BTBD10: variants seen among roughly 807,000 people sequenced by gnomAD.
The protein encoded by BTBD10 is BTB/POZ domain-containing protein 10.
In BTBD10, 21 loss-of-function variants were observed where a neutral mutation model predicts 53.2. The observed-to-expected ratio is 0.39, with a 90% CI of 0.28 to 0.57. The LOEUF is 0.57. Ranked by LOEUF, BTBD10 falls within the 20% of genes least tolerant of loss-of-function variation. The pLI, the probability that BTBD10 is intolerant of heterozygous loss-of-function variation, is 0.53. For synonymous variants in BTBD10, 149 were observed against 192.7 expected (o/e 0.77, Z 1.88); for missense variants, 360 against 594.7 (o/e 0.61, Z 4.10).
chr11:13,426,947 G>A (rs1950350231), intron 2 of BTBD10, among the ~76,000 whole-genome samples: 1 of 152,174 alleles, frequency 6.6e-6, no homozygotes, highest in South Asian at 2.1e-4. Context: ...CATAAAAGGT[G>A]AAGATTATCA....
In BTBD10 at chr11:13,397,508, A is replaced by AT. The variant is rs562699409; in HGVS notation, c.1117+5659dup. Reference sequence around the variant, plus strand: ...AAAAAACCAGCTCCTGGATTCATTGATTTTTTGAAGGGTTTTTTGTGTCTC... The same window carrying AT: ...AAAAAACCAGCTCCTGGATTCATTGATTTTTTTGAAGGGTTTTTTGTGTCTC... On this transcript the variant is annotated intron_variant, in intron 8 of 8. Coordinates refer to ENST00000278174, the MANE Select transcript of BTBD10 (RefSeq NM_032320.7). Among the ~76,000 whole-genome samples, 489 of 152,116 alleles carry AT rather than the reference A, an allele frequency of 3.2e-3. 4 individuals carry two copies. The highest frequency in any genetic ancestry group is 0.011 in the African/African-American group (447 of 41,464).
intron 6 of BTBD10, among the ~76,000 whole-genome samples, chr11:13,411,503 A>G (rs886962327): frequency 3.3e-5 from 5 of 152,192 alleles, no homozygotes; most frequent in Non-Finnish European, 7.3e-5. Flanking sequence ...TTTTAGTAAC[A>G]TATATTACAA....
intron 2 of BTBD10, among the ~76,000 whole-genome samples, chr11:13,430,241 T>G (rs1490077127): frequency 1.3e-5 from 2 of 152,054 alleles, no homozygotes; most frequent in South Asian, 4.1e-4. Context: ...GGTAAAAAAT[T>G]TGAGATATGC....
At chr11:13,423,450 T>A (rs1049835546) in intron 2 of BTBD10, among the ~76,000 whole-genome samples, 1 of 152,182 alleles carries the variant, frequency 6.6e-6, no homozygotes, top group African/African-American at 2.4e-5. Flanking sequence ...TGGCACGACA[T>A]AATTACTCAT....
At position 13,394,360 on chromosome 11, in the gene BTBD10, G is replaced by T. The variant is rs556434868; in HGVS notation, c.1118-5219C>A. Among the ~76,000 whole-genome samples the T allele has an allele frequency of 1.2e-4, 19 of 152,266 alleles. No individual in the cohort carries two copies. In the South Asian group the frequency reaches 3.7e-3, roughly 30 times the overall value. On this transcript the variant is annotated intron_variant, in intron 8 of 8. Coordinates refer to ENST00000278174, the MANE Select transcript of BTBD10 (RefSeq NM_032320.7). ...ATGAGATCTGACGGTTTAAAAGTATGTGGCAGTTCCTTCACTCTCTCCTGC... is the reference window on the plus strand; with the variant it reads ...ATGAGATCTGACGGTTTAAAAGTATTTGGCAGTTCCTTCACTCTCTCCTGC...
intron 8 of BTBD10, among the ~76,000 whole-genome samples, chr11:13,401,755 C>T (rs1013313509): frequency 6.6e-6 from 1 of 152,132 alleles, no homozygotes; most frequent in Non-Finnish European, 1.5e-5. Context: ...GAGGGACTTA[C>T]CTTAAGACAC....
chr11:13,407,286 CA>C (rs1308205290), intron 6 of BTBD10, among the ~76,000 whole-genome samples: 1 of 152,108 alleles, frequency 6.6e-6, no homozygotes, highest in Admixed American at 6.6e-5. Flanking sequence ...TGAGAATTCC[CA>C]AATTTATTTC....
chr11:13,417,099 T>C, intron 5 of BTBD10, 59 bp downstream of exon 5: 3 of 1,275,302 alleles, frequency 2.4e-6, no homozygotes, highest in South Asian at 2.8e-5. Context: ...CTGCGTCTAA[T>C]CCAAGTACCT....
At chr11:13,407,743 T>C (rs1949862011) in intron 6 of BTBD10, among the ~76,000 whole-genome samples, 1 of 152,196 alleles carries the variant, frequency 6.6e-6, no homozygotes, top group South Asian at 2.1e-4. Flanking sequence ...ATTAGACTGG[T>C]AATACAAACT....
chr11:13,419,602 C>G lies in BTBD10; in HGVS notation c.442G>C (p.Glu148Gln), dbSNP rs1449423486. The change falls in exon 4 of 9, where the codon GAG (glutamate) becomes CAG (glutamine). Residue 148 changes from glutamate to glutamine, a missense_variant. This residue lies in a region of BTBD10 where 109 missense variants were observed against 118.6 expected (regional missense o/e 0.92). Transcript: ENST00000278174. ...SSDGSCKTAG[E>Q]MVFVYENAKE... ...GCATTTTCATATACAAACACCATCT[C>G]CCCAGCTGTCTTACAGCTACCATCT... is the stretch of plus-strand genomic sequence containing the variant. 1.2e-6 allele frequency: 2 copies of G among 1,614,060 alleles called. No homozygotes were observed. Among genetic ancestry groups the G allele is most frequent in the Admixed American group, 3.3e-5 (2 of 60,016 alleles).
At position 13,445,187 on chromosome 11, in the gene BTBD10, T is replaced by A; in HGVS notation, c.-57-6A>T. 8.6e-7 allele frequency: 1 copy of A among 1,166,086 alleles called. No homozygotes were observed. Among genetic ancestry groups the A allele is most frequent in the Non-Finnish European group, 1.3e-6 (1 of 778,376 alleles). The allele number at this position is 1,166,086 out of a possible 1,614,324, so 72.2% of individuals were successfully genotyped here. Reference sequence around the variant, plus strand: ...ACACATGTAGCACCCATAACCTACATAAAAGAGCAGTGTTGACCTTTAAAT... The same window carrying A: ...ACACATGTAGCACCCATAACCTACAAAAAAGAGCAGTGTTGACCTTTAAAT... On this transcript the variant is annotated splice_region_variant and splice_polypyrimidine_tract_variant and intron_variant, in intron 1 of 8. Transcript: ENST00000278174.
chr11:13,421,526 A>G, intron 3 of BTBD10, 116 bp downstream of exon 3: 1 of 857,018 alleles, frequency 1.2e-6, no homozygotes, highest in Non-Finnish European at 1.7e-6. Context: ...AAACAACTGA[A>G]TAGAAGCAGC....
At chr11:13,448,615 T>G (rs1408592211) in intron 1 of BTBD10, among the ~76,000 whole-genome samples, 1 of 152,038 alleles carries the variant, frequency 6.6e-6, no homozygotes, top group Admixed American at 6.5e-5. Context: ...TTTTGACTCC[T>G]TCTCTCCCTT....
intron 1 of BTBD10, among the ~76,000 whole-genome samples, chr11:13,454,435 T>C (rs1341865440): frequency 6.6e-6 from 1 of 152,226 alleles, no homozygotes; most frequent in Non-Finnish European, 1.5e-5. Flanking sequence ...ACAGAAGCCC[T>C]TTCAATTGTT....
At chr11:13,448,075 T>C (rs573204315) in intron 1 of BTBD10, among the ~76,000 whole-genome samples, 1 of 152,304 alleles carries the variant, frequency 6.6e-6, no homozygotes, top group Admixed American at 6.5e-5. Flanking sequence ...TCAGTGACAG[T>C]ATATTTGTCG....
chr11:13,406,456 G>A (rs772740991), intron 6 of BTBD10, among the ~76,000 whole-genome samples: 1 of 152,044 alleles, frequency 6.6e-6, no homozygotes, highest in Non-Finnish European at 1.5e-5. Flanking sequence ...TAATGGCAAT[G>A]TCCTATCTCC....
intron 1 of BTBD10, chr11:13,459,749 T>C (rs1235837095): frequency 6.6e-6 from 1 of 152,164 alleles, no homozygotes; most frequent in Non-Finnish European, 1.5e-5. Flanking sequence ...ACCATACAAA[T>C]GAATAGACAA....
chr11:13,404,600 G>A, intron 7 of BTBD10: 1 of 983,952 alleles, frequency 1.0e-6, no homozygotes, highest in Non-Finnish European at 1.2e-6. Flanking sequence ...CTTGGGTTTT[G>A]TTCAACTTTT....
At chr11:13,399,355 T>C (rs1227093297) in intron 8 of BTBD10, among the ~76,000 whole-genome samples, 2 of 152,146 alleles carry the variant, frequency 1.3e-5, no homozygotes, top group Non-Finnish European at 2.9e-5. Flanking sequence ...CTGAGGCTTG[T>C]GCATTCGTCA....
Sources: allele counts gnomAD v4.1 joint callset (sites outside exome capture counted in the v4.1 genomes callset), GRCh38; gene constraint gnomAD v4.1.1; regional missense constraint gnomAD v4.1.1; transcripts MANE v1.5; gene names NCBI Gene and HGNC (gene_info 2026-07-23, HGNC 2026-07-21).